The following NR6A1 variants were observed in gnomAD, a reference collection of about 807,000 sequenced individuals.
The protein encoded by NR6A1 is nuclear receptor subfamily 6 group A member 1, also known as retinoic acid receptor-related testis-associated receptor.
NR6A1 carries 7 observed loss-of-function variants against 59.1 expected under a neutral mutation model. The observed-to-expected ratio is 0.12, with a 90% CI of 0.07 to 0.22. The LOEUF is 0.22. Ranked by LOEUF, NR6A1 falls within the 10% of genes least tolerant of loss-of-function variation. NR6A1 has a pLI of 1.00. For missense variants in NR6A1, 468 were observed against 611.6 expected, an observed-to-expected ratio of 0.77 and a Z score of 2.48; for synonymous variants, 243 against 236.1, an observed-to-expected ratio of 1.03 and a Z score of -0.27.
chr9:124,702,901 A>AT (rs879358450), intron 2 of NR6A1, among the ~76,000 whole-genome samples: 87 of 146,028 alleles, frequency 6.0e-4, no homozygotes, highest in African/African-American at 7.8e-4. Context: ...GAATAGGCAA[A>AT]TTTTTTTTTT....
chr9:124,767,155 A>G (rs893786273), intron 1 of NR6A1, among the ~76,000 whole-genome samples: 2 of 152,236 alleles, frequency 1.3e-5, no homozygotes, highest in Non-Finnish European at 2.9e-5. Context: ...GTAGGGAATG[A>G]GAAACCAGAA....
At chr9:124,636,897 C>T (rs917171584) in intron 2 of NR6A1, among the ~76,000 whole-genome samples, 1 of 151,980 alleles carries the variant, frequency 6.6e-6, no homozygotes, top group African/African-American at 2.4e-5. Context: ...GAAAAGGATG[C>T]CCCAAATGAG....
At chr9:124,609,375 C>T (rs1358671370) in intron 2 of NR6A1, among the ~76,000 whole-genome samples, 1 of 152,138 alleles carries the variant, frequency 6.6e-6, no homozygotes, top group East Asian at 1.9e-4. Context: ...AAACCTTTCC[C>T]CACTGCTTGA....
intron 2 of NR6A1, among the ~76,000 whole-genome samples, chr9:124,654,874 G>GTACA (rs1837207512): frequency 4.3e-5 from 1 of 23,150 alleles, no homozygotes. Context: ...TTTTTTTTTT[G>GTACA]TACACACACA....
At chr9:124,581,360 C>G (rs559011932) in intron 2 of NR6A1, among the ~76,000 whole-genome samples, 11 of 152,044 alleles carry the variant, frequency 7.2e-5, no homozygotes, top group African/African-American at 2.7e-4. Context: ...TTTGGTAGGC[C>G]GAGGCAGGCG....
At chr9:124,630,773 G>C (rs1011024336) in intron 2 of NR6A1, among the ~76,000 whole-genome samples, 3 of 146,574 alleles carry the variant, frequency 2.0e-5, no homozygotes, top group Non-Finnish European at 3.0e-5. Flanking sequence ...CTGCTTCCCG[G>C]GTTCAAGCGA....
chr9:124,617,010 A>G (rs1048325678), intron 2 of NR6A1, among the ~76,000 whole-genome samples: 1 of 152,214 alleles, frequency 6.6e-6, no homozygotes, highest in Admixed American at 6.5e-5. Flanking sequence ...ACAAAAATAT[A>G]CGTATAAGGC....
At chr9:124,602,661 G>A (rs867935435) in intron 2 of NR6A1, among the ~76,000 whole-genome samples, 2 of 152,148 alleles carry the variant, frequency 1.3e-5, no homozygotes, top group Non-Finnish European at 1.5e-5. Context: ...TAGAGACAAC[G>A]TCAGATGATA....
Position 124,538,312 on chromosome 9 carries a change from C to G in NR6A1, c.604G>C (p.Val202Leu). ...PGSTLSSSRS[V>L]ELNGFMAFRE... The stretch of plus-strand genomic sequence containing the variant: ...AAGGCCATGAATCCATTCAGTTCCA[C>G]AGACCTACTGGAGAGAAAAGTCTTG... The change falls in exon 6 of 10, where the codon GTG becomes CTG. Residue 202 changes from valine to leucine, a missense_variant. By Grantham distance (32) the Val-to-Leu change is conservative. Transcript: ENST00000487099. 4.3e-6 allele frequency: 7 copies of G among 1,613,314 alleles called. No homozygotes were observed. The highest frequency in any genetic ancestry group is 5.9e-6 in the Non-Finnish European group (7 of 1,179,418).
chr9:124,525,261 T>C (rs1832899716), intron 8 of NR6A1, among the ~76,000 whole-genome samples: 1 of 144,750 alleles, frequency 6.9e-6, no homozygotes, highest in African/African-American at 2.6e-5. Context: ...ACCTTGCCAA[T>C]ACCTACACAT....
intron 2 of NR6A1, among the ~76,000 whole-genome samples, chr9:124,644,150 C>G (rs1023883941): frequency 2.0e-5 from 3 of 152,154 alleles, no homozygotes; most frequent in African/African-American, 4.8e-5. Flanking sequence ...GATCCACCCA[C>G]CTCGGCCTCC....
intron 2 of NR6A1, among the ~76,000 whole-genome samples, chr9:124,616,303 T>C (rs528735413): frequency 6.7e-6 from 1 of 148,880 alleles, no homozygotes; most frequent in Non-Finnish European, 1.5e-5. Flanking sequence ...CTCCACTGGC[T>C]GAAGCAGGAG....
chr9:124,652,592 A>G (rs1837137741), intron 2 of NR6A1, among the ~76,000 whole-genome samples: 1 of 152,192 alleles, frequency 6.6e-6, no homozygotes, highest in Non-Finnish European at 1.5e-5. Context: ...TTATCCTCCA[A>G]GAAGAAAAAG....
intron 2 of NR6A1, among the ~76,000 whole-genome samples, chr9:124,678,243 C>T (rs1838022450): frequency 6.6e-6 from 1 of 152,192 alleles, no homozygotes; most frequent in Admixed American, 6.5e-5. Flanking sequence ...AGCTAGATTC[C>T]TACACGGTCT....
chr9:124,584,422 C>T (rs925220991), intron 2 of NR6A1, among the ~76,000 whole-genome samples: 1 of 151,802 alleles, frequency 6.6e-6, no homozygotes, highest in Non-Finnish European at 1.5e-5. Flanking sequence ...GCATTTTTTA[C>T]AAATTGAAGG....
intron 2 of NR6A1, among the ~76,000 whole-genome samples, chr9:124,593,800 T>G (rs770337007): frequency 1.6e-4 from 24 of 152,252 alleles, no homozygotes; most frequent in Non-Finnish European, 1.9e-4. Flanking sequence ...TACGGCTCTC[T>G]CTCTCTCTCT....
chr9:124,744,373 AC>A (rs1189293895), intron 1 of NR6A1, among the ~76,000 whole-genome samples: 3 of 152,240 alleles, frequency 2.0e-5, no homozygotes, highest in African/African-American at 7.2e-5. Context: ...TTGACACTTT[AC>A]ATGAATTCTT....
At chr9:124,551,262 T>C (rs899400660) in intron 3 of NR6A1, among the ~76,000 whole-genome samples, 9 of 152,172 alleles carry the variant, frequency 5.9e-5, no homozygotes, top group Admixed American at 2.0e-4. Context: ...CTTGGAAATA[T>C]ACATATGTAC....
intron 1 of NR6A1, among the ~76,000 whole-genome samples, chr9:124,743,084 G>A (rs763823607): frequency 3.9e-5 from 6 of 152,108 alleles, no homozygotes; most frequent in Non-Finnish European, 8.8e-5. Context: ...TTTTGGTGGT[G>A]GGAAGTAACA....
Sources: allele counts gnomAD v4.1 joint callset (sites outside exome capture counted in the v4.1 genomes callset), GRCh38; gene constraint gnomAD v4.1.1; transcripts MANE v1.5; gene names NCBI Gene and HGNC (gene_info 2026-07-23, HGNC 2026-07-21).